CEP112: variants seen among roughly 807,000 people sequenced by gnomAD.
CEP112 encodes centrosomal protein 112, also known as centrosomal protein of 112 kDa.
In CEP112, 127 loss-of-function variants were observed where a neutral mutation model predicts 153.0. The ratio of observed to expected loss-of-function variants is 0.83; its 90% CI spans 0.72 to 0.96. The LOEUF is 0.96. CEP112 is among the 40% of genes least tolerant of loss of function. CEP112 has a pLI of 0.00. For missense variants in CEP112, 1,089 were observed against 1,101.2 expected (o/e 0.99, Z 0.16); for synonymous variants, 358 against 374.4 (o/e 0.96, Z 0.51).
At chr17:65,811,464 T>A (rs1325615777) in intron 21 of CEP112, among the ~76,000 whole-genome samples, 4 of 152,146 alleles carry the variant, frequency 2.6e-5, no homozygotes, top group Non-Finnish European at 5.9e-5. Context: ...AAACCAAAAT[T>A]TTCAAGGTGG....
At chr17:65,831,415 G>C (rs2057074519) in intron 21 of CEP112, among the ~76,000 whole-genome samples, 1 of 151,998 alleles carries the variant, frequency 6.6e-6, no homozygotes, top group Admixed American at 6.5e-5. Context: ...AAATTAGCTG[G>C]GCGTGGTGGT....
chr17:66,126,483 A>G (rs2069856323), intron 6 of CEP112, among the ~76,000 whole-genome samples: 1 of 152,182 alleles, frequency 6.6e-6, no homozygotes, highest in African/African-American at 2.4e-5. Context: ...AATAGCGAAT[A>G]CCCACAGCAC....
intron 1 of CEP112, among the ~76,000 whole-genome samples, chr17:66,190,946 T>C (rs970348507): frequency 6.6e-6 from 1 of 152,230 alleles, no homozygotes; most frequent in African/African-American, 2.4e-5. Flanking sequence ...TTTAAATATA[T>C]TGTGGGTCAT....
intron 20 of CEP112, among the ~76,000 whole-genome samples, chr17:65,859,795 A>G (rs8074863): frequency 6.9e-6 from 1 of 145,956 alleles, no homozygotes. Flanking sequence ...GATCACAAGG[A>G]CAGGAGTTTG....
At chr17:65,924,274 C>A (rs572917668) in intron 19 of CEP112, among the ~76,000 whole-genome samples, 54 of 152,282 alleles carry the variant, frequency 3.5e-4, no homozygotes, top group African/African-American at 1.2e-3. Context: ...CCGTGCCCGG[C>A]CAGCATAATT....
At chr17:65,896,939 A>T (rs919731044) in intron 20 of CEP112, among the ~76,000 whole-genome samples, 1 of 152,002 alleles carries the variant, frequency 6.6e-6, no homozygotes. Flanking sequence ...TGAAATAATA[A>T]AAACTTTTCC....
intron 20 of CEP112, among the ~76,000 whole-genome samples, chr17:65,893,247 C>A (rs1217832625): frequency 6.6e-6 from 1 of 152,094 alleles, no homozygotes; most frequent in African/African-American, 2.4e-5. Flanking sequence ...CAGGTCACAT[C>A]ATTCAGCACA....
chr17:65,752,081 C>G (rs1284028041), intron 21 of CEP112, among the ~76,000 whole-genome samples: 1 of 151,776 alleles, frequency 6.6e-6, no homozygotes, highest in Admixed American at 6.6e-5. Flanking sequence ...GTCTATATGT[C>G]TATAACTATC....
chr17:65,946,564 A>G (rs1432881897), intron 18 of CEP112, among the ~76,000 whole-genome samples: 1 of 152,078 alleles, frequency 6.6e-6, no homozygotes, highest in Non-Finnish European at 1.5e-5. Flanking sequence ...ATTAATTACC[A>G]TGGTTTAACA....
intron 18 of CEP112, among the ~76,000 whole-genome samples, chr17:65,929,258 A>C (rs1005096198): frequency 6.6e-6 from 1 of 152,218 alleles, no homozygotes; most frequent in African/African-American, 2.4e-5. Flanking sequence ...GAAAAGTCAA[A>C]GATTCCACCA....
At chr17:65,643,161 T>C (rs2045239525) in intron 24 of CEP112, among the ~76,000 whole-genome samples, 1 of 152,182 alleles carries the variant, frequency 6.6e-6, no homozygotes, top group African/African-American at 2.4e-5. Context: ...AGGGGCTTAT[T>C]GGAGGGCCTT....
At chr17:65,830,162 G>C (rs945250911) in intron 21 of CEP112, among the ~76,000 whole-genome samples, 1 of 152,172 alleles carries the variant, frequency 6.6e-6, no homozygotes, top group South Asian at 2.1e-4. Flanking sequence ...CAAGATGGTG[G>C]AATAGATTGT....
intron 21 of CEP112, among the ~76,000 whole-genome samples, chr17:65,791,227 C>T (rs1338518219): frequency 6.6e-6 from 1 of 152,090 alleles, no homozygotes. Context: ...TTTTGTAAAG[C>T]TTAAATGTCT....
intron 23 of CEP112, among the ~76,000 whole-genome samples, chr17:65,722,935 CTG>C (rs1378754143): frequency 2.0e-5 from 3 of 152,166 alleles, no homozygotes. Context: ...AACAGCAAGG[CTG>C]AAACAGAGGC....
At chr17:65,867,815 T>C (rs1168914263) in intron 20 of CEP112, among the ~76,000 whole-genome samples, 1 of 152,080 alleles carries the variant, frequency 6.6e-6, no homozygotes, top group Non-Finnish European at 1.5e-5. Flanking sequence ...TCCCTAAAAT[T>C]TCACTGAGAC....
intron 23 of CEP112, among the ~76,000 whole-genome samples, chr17:65,705,487 C>T (rs115937883): frequency 1.5e-3 from 231 of 152,212 alleles, no homozygotes; most frequent in African/African-American, 5.4e-3. Flanking sequence ...TCACCTTTTA[C>T]GGCACTTACA....
chr17:66,132,725 T>G lies in CEP112; in HGVS notation c.509A>C (p.His170Pro), dbSNP rs753174738. Residue 170 changes from histidine (H) to proline (P), a missense_variant, in exon 5 of 27, where the codon CAC (histidine) becomes CCC (proline). Transcript: ENST00000535342. ...TTCTCTGTGAGTTGGACTCAAGGAG[T>G]GTGATCTCACTCGGAGCTTCCCAGT... ...QYTGKLRVRS[H>P]SLSPTHREDG... 3.7e-6 allele frequency: 6 copies of G among 1,613,856 alleles called. No homozygotes were observed. In the South Asian group the frequency reaches 6.6e-5, roughly 18 times the overall value.
chr17:65,669,134 G>A (rs1393007693), intron 24 of CEP112, among the ~76,000 whole-genome samples: 1 of 152,162 alleles, frequency 6.6e-6, no homozygotes, highest in Admixed American at 6.5e-5. Flanking sequence ...GCGGCAGCTG[G>A]CCCTTCTCTC....
At chr17:65,887,403 C>T (rs1362533464) in intron 20 of CEP112, among the ~76,000 whole-genome samples, 1 of 152,158 alleles carries the variant, frequency 6.6e-6, no homozygotes, top group Non-Finnish European at 1.5e-5. Flanking sequence ...TTATATATCA[C>T]AAAATCACAT....
Sources: allele counts gnomAD v4.1 joint callset (sites outside exome capture counted in the v4.1 genomes callset), GRCh38; gene constraint gnomAD v4.1.1; transcripts MANE v1.5; gene names NCBI Gene and HGNC (gene_info 2026-07-23, HGNC 2026-07-21).